Variants in SAMMSON observed in about 807,000 individuals in gnomAD.
SAMMSON encodes survival associated mitochondrial melanoma specific oncogenic non-coding RNA, also known as long intergenic non-protein coding RNA 1212.
At chr3:70,051,134 C>CAAAAAAAAAAAAAAAAA (rs71126477) in intron 3 of SAMMSON, among the ~76,000 whole-genome samples, 15 of 45,234 alleles carry the variant, frequency 3.3e-4, no homozygotes, top group Non-Finnish European at 4.8e-4. Context: ...TACTCCATCT[C>CAAAAAAAAAAAAAAAAA]AAAAAAAAAA....
intron 4 of SAMMSON, among the ~76,000 whole-genome samples, chr3:70,119,802 G>C (rs1339104965): frequency 6.6e-6 from 1 of 152,052 alleles, no homozygotes; most frequent in African/African-American, 2.4e-5. Context: ...TTTGTGGTAA[G>C]AAAGCATGCA....
intron 9 of SAMMSON, among the ~76,000 whole-genome samples, chr3:70,385,802 T>A (rs924485304): frequency 6.6e-6 from 1 of 152,162 alleles, no homozygotes; most frequent in Non-Finnish European, 1.5e-5. Flanking sequence ...AGTACAGATA[T>A]GTCATCTTAA....
chr3:70,244,836 T>A (rs943062605), intron 4 of SAMMSON, among the ~76,000 whole-genome samples: 1 of 152,232 alleles, frequency 6.6e-6, no homozygotes, highest in Admixed American at 6.5e-5. Flanking sequence ...CATTCCTATG[T>A]GCTCTGCTTA....
chr3:70,128,459 C>T (rs2067468133), intron 4 of SAMMSON, among the ~76,000 whole-genome samples: 1 of 152,158 alleles, frequency 6.6e-6, no homozygotes, highest in Non-Finnish European at 1.5e-5. Flanking sequence ...AGTCCCAGGT[C>T]AGGAATCCAG....
intron 4 of SAMMSON, among the ~76,000 whole-genome samples, chr3:70,157,212 A>C (rs1478096169): frequency 6.6e-6 from 1 of 152,096 alleles, no homozygotes; most frequent in Admixed American, 6.6e-5. Context: ...ATGCAAATAT[A>C]TGACCATAAA....
In SAMMSON at chr3:70,281,725, C is replaced by T. The variant is rs537371816; in HGVS notation, n.675-9454C>T. On this transcript the variant is annotated intron_variant and non_coding_transcript_variant, in intron 6 of 9. Coordinates refer to ENST00000642114, the Ensembl canonical transcript of SAMMSON. ...GCCCCACCTCAAGTGAACTCCTTCTCGTCTTTGGAATTCCGATAGAGAATC... is the reference window on the plus strand; with the variant it reads ...GCCCCACCTCAAGTGAACTCCTTCTTGTCTTTGGAATTCCGATAGAGAATC... Among the ~76,000 whole-genome samples, 11 of 152,266 alleles carry T rather than the reference C, an allele frequency of 7.2e-5. No homozygotes were observed. In the Middle Eastern group the frequency reaches 0.01, roughly 141 times the overall value.
chr3:70,081,412 C>G (rs922240035), intron 4 of SAMMSON, among the ~76,000 whole-genome samples: 1 of 152,208 alleles, frequency 6.6e-6, no homozygotes. Context: ...CGCGCCCGGC[C>G]TCTTCATAGT....
At chr3:70,323,353 C>T (rs963462252) in intron 7 of SAMMSON, among the ~76,000 whole-genome samples, 6 of 152,122 alleles carry the variant, frequency 3.9e-5, no homozygotes, top group African/African-American at 1.4e-4. Flanking sequence ...TTCTACATTG[C>T]CAGCTCATTT....
At chr3:70,207,845 C>A (rs552795830) in intron 4 of SAMMSON, among the ~76,000 whole-genome samples, 1 of 152,044 alleles carries the variant, frequency 6.6e-6, no homozygotes, top group Admixed American at 6.6e-5. Context: ...TCTGTGGAGT[C>A]CTGGAACCAG....
At chr3:70,093,799 T>C (rs1307624612) in intron 4 of SAMMSON, among the ~76,000 whole-genome samples, 5 of 152,154 alleles carry the variant, frequency 3.3e-5, no homozygotes, top group Non-Finnish European at 7.4e-5. Flanking sequence ...AGAAAGTGTT[T>C]GAAATGACGC....
At chr3:70,019,152 T>G (rs1395407219) in intron 3 of SAMMSON, among the ~76,000 whole-genome samples, 1 of 152,316 alleles carries the variant, frequency 6.6e-6, no homozygotes, top group East Asian at 1.9e-4. Flanking sequence ...ACTTTCTGTC[T>G]CGTTGATGTG....
chr3:70,261,424 C>T (rs1701866260), intron 6 of SAMMSON, among the ~76,000 whole-genome samples: 1 of 152,192 alleles, frequency 6.6e-6, no homozygotes. Context: ...GTATCAGCTG[C>T]AGCCATCTAG....
At chr3:70,113,394 A>G (rs535014375) in intron 4 of SAMMSON, among the ~76,000 whole-genome samples, 1 of 152,360 alleles carries the variant, frequency 6.6e-6, no homozygotes, top group East Asian at 1.9e-4. Flanking sequence ...GTGACTGCAC[A>G]TAAACCAATG....
At chr3:70,367,813 T>A (rs1012144271) in intron 9 of SAMMSON, among the ~76,000 whole-genome samples, 4 of 151,682 alleles carry the variant, frequency 2.6e-5, no homozygotes, top group Non-Finnish European at 5.9e-5. Flanking sequence ...GTGTTTTTCA[T>A]AATGGCTGTA....
chr3:70,324,099 C>G (rs1702558558), intron 7 of SAMMSON, among the ~76,000 whole-genome samples: 1 of 152,094 alleles, frequency 6.6e-6, no homozygotes, highest in South Asian at 2.1e-4. Context: ...GACTGTTTAA[C>G]CAGCTCCCCA....
intron 6 of SAMMSON, among the ~76,000 whole-genome samples, chr3:70,280,543 G>T (rs1411511274): frequency 6.6e-6 from 1 of 152,134 alleles, no homozygotes; most frequent in Non-Finnish European, 1.5e-5. Context: ...ACTTTTGCCT[G>T]TATTGAATGT....
intron 3 of SAMMSON, among the ~76,000 whole-genome samples, chr3:70,017,674 G>C (rs1356652518): frequency 6.6e-6 from 1 of 152,100 alleles, no homozygotes; most frequent in African/African-American, 2.4e-5. Context: ...TTTTCAAAGG[G>C]AATGCTTCCA....
chr3:70,334,868 T>C (rs1702649770), intron 7 of SAMMSON, among the ~76,000 whole-genome samples: 1 of 152,256 alleles, frequency 6.6e-6, no homozygotes, highest in South Asian at 2.1e-4. Context: ...TGACAATCAA[T>C]GGACAAACAA....
chr3:70,331,634 A>G (rs1325236973), intron 7 of SAMMSON, among the ~76,000 whole-genome samples: 1 of 152,220 alleles, frequency 6.6e-6, no homozygotes, highest in African/African-American at 2.4e-5. Context: ...CCATGTTAAA[A>G]TATGATTCAC....
Sources: allele counts gnomAD v4.1 joint callset (sites outside exome capture counted in the v4.1 genomes callset), GRCh38; gene constraint gnomAD v4.1.1; transcripts MANE v1.5; gene names NCBI Gene and HGNC (gene_info 2026-07-23, HGNC 2026-07-21).